The following FMN2 variants were observed in gnomAD, a reference collection of about 807,000 sequenced individuals.
FMN2 encodes formin 2.
Under a neutral mutation model 142.3 loss-of-function variants are expected in FMN2, and 51 were observed. The observed-to-expected ratio is 0.36, with a 90% CI of 0.29 to 0.45. The LOEUF (loss-of-function observed/expected upper bound fraction) is 0.45, where lower values mean the gene tolerates loss of function less well. FMN2 is among the 20% of genes least tolerant of loss of function. FMN2 has a pLI of 1.00. For missense variants in FMN2, 1,936 were observed against 2,122.8 expected, an observed-to-expected ratio of 0.91 and a Z score of 1.73; for synonymous variants, 882 against 869.8, an observed-to-expected ratio of 1.01 and a Z score of -0.25.
chr1:240,349,538 G>A (rs1672022129), intron 13 of FMN2, among the ~76,000 whole-genome samples: 1 of 152,120 alleles, frequency 6.6e-6, no homozygotes, highest in South Asian at 2.1e-4. Context: ...GTTCATTCCA[G>A]GGAGTGGCAT....
intron 16 of FMN2, among the ~76,000 whole-genome samples, chr1:240,441,524 C>T (rs1385733750): frequency 6.6e-6 from 1 of 151,790 alleles, no homozygotes; most frequent in African/African-American, 2.4e-5. Context: ...TTACTATCAA[C>T]CTATTTTCTT....
intron 7 of FMN2, 51 bp from the exon 8 acceptor site, chr1:240,294,771 T>C: frequency 1.9e-6 from 3 of 1,568,592 alleles, no homozygotes; most frequent in Non-Finnish European, 2.6e-6. Context: ...TGGTCAAACA[T>C]CTTTTCACAG....
At position 240,235,192 on chromosome 1, in the gene FMN2, G is replaced by A. The variant is rs551479151; in HGVS notation, c.4066-22753G>A. ...GGGAAAAGATGAAGTCTAAGATATT[G>A]CGATAAATCAAGAGTGACTTCTTTC... On this transcript the variant is annotated intron_variant, in intron 6 of 17. Transcript: ENST00000319653. Among the ~76,000 whole-genome samples the A allele has an allele frequency of 3.3e-5, 5 of 152,284 alleles. No homozygotes were observed. The East Asian group carries it at 5.8e-4, about 18-fold the overall frequency.
At chr1:240,166,818 G>C (rs1470729362) in intron 2 of FMN2, among the ~76,000 whole-genome samples, 1 of 152,156 alleles carries the variant, frequency 6.6e-6, no homozygotes, top group African/African-American at 2.4e-5. Flanking sequence ...GAGTGGAATT[G>C]GTGGTTCAAA....
chr1:240,283,004 G>T (rs1373875458), intron 7 of FMN2, among the ~76,000 whole-genome samples: 1 of 152,174 alleles, frequency 6.6e-6, no homozygotes, highest in Non-Finnish European at 1.5e-5. Flanking sequence ...AGAAAACAAT[G>T]CTGGGTGTGA....
intron 6 of FMN2, 103 bp downstream of exon 6, chr1:240,211,338 C>T: frequency 8.8e-7 from 1 of 1,132,096 alleles, no homozygotes; most frequent in Admixed American, 2.1e-5. Flanking sequence ...TGTAAACCTC[C>T]ATGGATCTTA....
At chr1:240,342,753 A>T (rs758374180) in intron 13 of FMN2, among the ~76,000 whole-genome samples, 5 of 152,220 alleles carry the variant, frequency 3.3e-5, no homozygotes, top group Non-Finnish European at 7.3e-5. Flanking sequence ...TACCTTAATC[A>T]TTTAACAAAT....
At chr1:240,364,358 C>G (rs533446595) in intron 14 of FMN2, among the ~76,000 whole-genome samples, 11 of 152,142 alleles carry the variant, frequency 7.2e-5, no homozygotes, top group African/African-American at 2.6e-4. Context: ...CAATTAAACT[C>G]AAAAGTCACC....
At chr1:240,378,195 G>A (rs1413771048) in intron 14 of FMN2, among the ~76,000 whole-genome samples, 1 of 151,652 alleles carries the variant, frequency 6.6e-6, no homozygotes, top group Non-Finnish European at 1.5e-5. Context: ...TTGTTGCCCA[G>A]GCTAGAGTAC....
At chr1:240,359,189 T>C (rs1474564211) in intron 14 of FMN2, among the ~76,000 whole-genome samples, 1 of 152,158 alleles carries the variant, frequency 6.6e-6, no homozygotes, top group Non-Finnish European at 1.5e-5. Context: ...ATGTTTCTTC[T>C]AGTTTATCAG....
chr1:240,384,737 C>A (rs1462938687), intron 14 of FMN2, among the ~76,000 whole-genome samples: 1 of 152,080 alleles, frequency 6.6e-6, no homozygotes, highest in Non-Finnish European at 1.5e-5. Context: ...GAGTTGGAAT[C>A]CTGTCTCATT....
chr1:240,285,359 A>C (rs1031142448), intron 7 of FMN2: 4 of 451,158 alleles, frequency 8.9e-6, no homozygotes, highest in Admixed American at 4.7e-5. Context: ...ACATGTATAG[A>C]GTGTGCTGTC....
At chr1:240,223,229 T>G (rs1442426996) in intron 6 of FMN2, among the ~76,000 whole-genome samples, 1 of 152,214 alleles carries the variant, frequency 6.6e-6, no homozygotes, top group Non-Finnish European at 1.5e-5. Flanking sequence ...CTTTTCTGCA[T>G]CTGTTGAGAT....
chr1:240,182,883 C>T (rs947544393), intron 3 of FMN2, among the ~76,000 whole-genome samples: 3 of 151,766 alleles, frequency 2.0e-5, no homozygotes, highest in African/African-American at 7.3e-5. Flanking sequence ...AAATTCTGTG[C>T]CGTGCAATGT....
intron 14 of FMN2, among the ~76,000 whole-genome samples, chr1:240,381,512 C>A (rs1673225841): frequency 6.6e-6 from 1 of 152,176 alleles, no homozygotes; most frequent in African/African-American, 2.4e-5. Context: ...TCACTGCAGC[C>A]CCTGCCTCAC....
intron 15 of FMN2, among the ~76,000 whole-genome samples, chr1:240,426,976 T>A (rs995741562): frequency 8.0e-5 from 12 of 149,700 alleles, no homozygotes; most frequent in Admixed American, 3.3e-4. Flanking sequence ...TGACCTCTGG[T>A]GATCCACCCG....
At chr1:240,274,212 G>A (rs1669115065) in intron 7 of FMN2, among the ~76,000 whole-genome samples, 1 of 147,830 alleles carries the variant, frequency 6.8e-6, no homozygotes, top group African/African-American at 2.6e-5. Context: ...TATGTACCAT[G>A]GGGGAAACGA....
chr1:240,388,923 G>A (rs9662388), intron 14 of FMN2, among the ~76,000 whole-genome samples: 27,405 of 150,438 alleles, frequency 0.18, 3,657 homozygotes, highest in African/African-American at 0.38. Context: ...CAGAAAGCCC[G>A]GTGATTTGAT....
intron 11 of FMN2, among the ~76,000 whole-genome samples, chr1:240,332,207 A>G (rs1234019146): frequency 1.3e-5 from 2 of 152,048 alleles, no homozygotes; most frequent in Non-Finnish European, 1.5e-5. Context: ...GCTCATGTGT[A>G]TGATACACAT....
Sources: gnomAD v4.1 joint callset for allele counts (sites outside exome capture counted in the v4.1 genomes callset) on GRCh38, gnomAD v4.1.1 for gene constraint, MANE v1.5 for transcripts, NCBI Gene and HGNC (gene_info 2026-07-23, HGNC 2026-07-21) for gene names.